Variants in NR3C2 observed in about 807,000 individuals in gnomAD.
NR3C2 encodes the protein mineralocorticoid receptor.
NR3C2 carries 15 observed loss-of-function variants against 86.4 expected under a neutral mutation model. The observed-to-expected ratio is 0.17, with a 90% CI of 0.12 to 0.27. NR3C2 has a LOEUF of 0.27. Ranked by LOEUF, NR3C2 falls within the 10% of genes least tolerant of loss-of-function variation. The pLI is 1.00. For missense variants in NR3C2, 960 were observed against 1,195.6 expected (o/e 0.80, Z 2.91); for synonymous variants, 458 against 450.5 (o/e 1.02, Z -0.21).
Position 148,350,545 on chromosome 4 carries a change from CATG to C in NR3C2, c.1757+84556_1757+84558del, listed in dbSNP as rs547143921. Among the ~76,000 whole-genome samples, 24 of 152,294 alleles carry C rather than the reference CATG, an allele frequency of 1.6e-4. No individual in the cohort carries two copies. In the South Asian group the frequency reaches 4.6e-3, roughly 29 times the overall value. On this transcript the variant is annotated intron_variant, in intron 2 of 8. Transcript: ENST00000358102. ...TTCCAAATTACACCCTGGTTCAGGT[CATG>C]ATATTTTTTCAGACTACTAGAATAG... is the stretch of plus-strand genomic sequence containing the variant.
chr4:148,427,417 T>A lies in NR3C2; in HGVS notation c.1757+7687A>T, dbSNP rs1435687483. ...TACATAAGACACAGCAAAGTAGGTA[T>A]CCACAGTGAAGAAAGGGGGTGGCCA... On this transcript the variant is annotated intron_variant, in intron 2 of 8. Coordinates refer to ENST00000358102, the MANE Select transcript of NR3C2 (RefSeq NM_000901.5). Among the ~76,000 whole-genome samples the A allele has an allele frequency of 1.1e-4, 16 of 152,180 alleles. No individual in the cohort carries two copies. In the East Asian group the frequency reaches 3.1e-3, roughly 29 times the overall value.
At chr4:148,406,771 A>C (rs1415229881) in intron 2 of NR3C2, among the ~76,000 whole-genome samples, 1 of 152,208 alleles carries the variant, frequency 6.6e-6, no homozygotes, top group South Asian at 2.1e-4. Context: ...AACATAAAAC[A>C]ATTCATTGCT....
intron 3 of NR3C2, among the ~76,000 whole-genome samples, chr4:148,247,202 C>G (rs1215249121): frequency 1.3e-5 from 2 of 152,116 alleles, no homozygotes; most frequent in African/African-American, 2.4e-5. Context: ...GTAATTTGCT[C>G]AAATTTTCAA....
upstream of NR3C2, chr4:148,444,629 C>T (rs115321306): frequency 1.4e-5 from 14 of 986,314 alleles, no homozygotes; most frequent in Non-Finnish European, 1.7e-5. Flanking sequence ...ATTGGCTGAT[C>T]GGCGGTGAGG....
intron 8 of NR3C2, among the ~76,000 whole-genome samples, chr4:148,093,604 T>C (rs1235828395): frequency 6.6e-6 from 1 of 152,170 alleles, no homozygotes; most frequent in African/African-American, 2.4e-5. Flanking sequence ...CAGCGATATG[T>C]TGGGGTTAGG....
rs563882760 is a variant in NR3C2, at chr4:148,247,017, T to C, written c.1897+12961A>G. ...TTTATTACTATTCCTTTTTAAAATG[T>C]AATGTCAGGTCATCTTTGATAGTTA... On this transcript the variant is annotated intron_variant, in intron 3 of 8. Coordinates refer to ENST00000358102, the MANE Select transcript of NR3C2 (RefSeq NM_000901.5). Among the ~76,000 whole-genome samples, 10 of 152,334 alleles carry C rather than the reference T, an allele frequency of 6.6e-5. No homozygotes were observed. In the South Asian group the frequency reaches 2.1e-3, roughly 32 times the overall value.
chr4:148,225,854 A>T (rs1265057679), intron 3 of NR3C2, among the ~76,000 whole-genome samples: 1 of 152,102 alleles, frequency 6.6e-6, no homozygotes, highest in African/African-American at 2.4e-5. Flanking sequence ...AACATCTGGC[A>T]CTCGACTGTA....
At chr4:148,137,885 C>T (rs190277071) in intron 6 of NR3C2, among the ~76,000 whole-genome samples, 1 of 152,224 alleles carries the variant, frequency 6.6e-6, no homozygotes, top group African/African-American at 2.4e-5. Context: ...CAATGCCATT[C>T]TTCTCACTTT....
intron 4 of NR3C2, among the ~76,000 whole-genome samples, chr4:148,167,781 C>T (rs1005007127): frequency 1.3e-5 from 2 of 152,150 alleles, no homozygotes; most frequent in African/African-American, 2.4e-5. Context: ...CACTGTTAAG[C>T]GAAATGGAAA....
At chr4:148,156,760 A>T (rs1734410531) in intron 4 of NR3C2, among the ~76,000 whole-genome samples, 1 of 152,150 alleles carries the variant, frequency 6.6e-6, no homozygotes, top group Non-Finnish European at 1.5e-5. Flanking sequence ...TTCCTCAGGG[A>T]TCTAGAACTG....
chr4:148,349,829 T>G (rs1285885637), intron 2 of NR3C2, among the ~76,000 whole-genome samples: 4 of 152,260 alleles, frequency 2.6e-5, no homozygotes, highest in Non-Finnish European at 5.9e-5. Flanking sequence ...AAGAAAGGTT[T>G]ATGGTCTATA....
intron 2 of NR3C2, among the ~76,000 whole-genome samples, chr4:148,307,022 C>T (rs1742660833): frequency 6.6e-6 from 1 of 151,990 alleles, no homozygotes; most frequent in Non-Finnish European, 1.5e-5. Flanking sequence ...AGAGGAAAGG[C>T]TTTCTCTCGA....
chr4:148,079,163 T>G lies in NR3C2; in HGVS notation c.*2181A>C, dbSNP rs1730426863. 1 of 152,322 alleles carries G rather than the reference T, an allele frequency of 6.6e-6. No individual in the cohort carries two copies. The highest frequency in any genetic ancestry group is 6.5e-5 in the Admixed American group (1 of 15,288). 9.4% of individuals were successfully genotyped at this position (152,322 alleles called of 1,614,324 possible). On this transcript the variant is annotated 3_prime_UTR_variant, in exon 9 of 9. Coordinates refer to ENST00000358102, the MANE Select transcript of NR3C2 (RefSeq NM_000901.5). ...AAACTAAGTCTGAACTAAAAGCTGC[T>G]TTTGTAAGTAAGCCATTTGTTTGCT...
At chr4:148,414,741 T>A (rs772948154) in intron 2 of NR3C2, among the ~76,000 whole-genome samples, 8 of 152,186 alleles carry the variant, frequency 5.3e-5, no homozygotes, top group Non-Finnish European at 8.8e-5. Context: ...GAAAGGAAAT[T>A]TATGTGATAA....
Position 148,435,226 on chromosome 4 carries a change from T to C in NR3C2, c.1635A>G (p.Gln545=). 6.2e-7 allele frequency: 1 copy of C among 1,614,158 alleles called. No individual in the cohort carries two copies. Among genetic ancestry groups the C allele is most frequent in the Non-Finnish European group, 8.5e-7 (1 of 1,180,026 alleles). ...LSRSARDQSF[Q]HLSSFPPVNT... is the part of the protein sequence containing the mutation. ...TGACAGGAGGAAAGGAACTCAGGTGTTGGAAAGATTGGTCTCTAGCCGATC... is the reference window on the plus strand; with the variant it reads ...TGACAGGAGGAAAGGAACTCAGGTGCTGGAAAGATTGGTCTCTAGCCGATC... Residue 545 remains glutamine, a synonymous_variant, in exon 2 of 9, where the codon CAA becomes CAG. Coordinates refer to ENST00000358102, the MANE Select transcript of NR3C2 (RefSeq NM_000901.5).
At chr4:148,264,356 A>G (rs1040358289) in intron 2 of NR3C2, among the ~76,000 whole-genome samples, 1 of 152,248 alleles carries the variant, frequency 6.6e-6, no homozygotes, top group Non-Finnish European at 1.5e-5. Context: ...TAGATTATAC[A>G]TATCACAAAA....
chr4:148,323,282 A>T (rs921753354), intron 2 of NR3C2, among the ~76,000 whole-genome samples: 7 of 143,016 alleles, frequency 4.9e-5, no homozygotes, highest in African/African-American at 1.9e-4. Flanking sequence ...CTCTCTTCAA[A>T]GCTGTCAGAC....
chr4:148,373,770 G>T (rs973714544), intron 2 of NR3C2, among the ~76,000 whole-genome samples: 1 of 152,024 alleles, frequency 6.6e-6, no homozygotes, highest in African/African-American at 2.4e-5. Flanking sequence ...GAGCCACCGC[G>T]CCCGGCCAGG....
chr4:148,304,018 AGC>A (rs1334097433), intron 2 of NR3C2, among the ~76,000 whole-genome samples: 1 of 152,214 alleles, frequency 6.6e-6, no homozygotes, highest in Non-Finnish European at 1.5e-5. Context: ...TCTCTCATGT[AGC>A]CCGGGTATTC....
Sources: gnomAD v4.1 joint callset for allele counts (sites outside exome capture counted in the v4.1 genomes callset) on GRCh38, gnomAD v4.1.1 for gene constraint, MANE v1.5 for transcripts, NCBI Gene and HGNC (gene_info 2026-07-23, HGNC 2026-07-21) for gene names.